Variants in NAT1 observed in about 807,000 individuals in gnomAD.
NAT1 encodes the protein N-acetyltransferase 1.
For synonymous variants in NAT1, 144 were observed against 122.6 expected, an observed-to-expected ratio of 1.17 and a Z score of -1.16; for missense variants, 400 against 339.2, an observed-to-expected ratio of 1.18 and a Z score of -1.41.
chr8:18,182,670 G>A lies in NAT1; in HGVS notation n.92+11931G>A, dbSNP rs117628880. Among the ~76,000 whole-genome samples the A allele has an allele frequency of 7.2e-4, 109 of 152,194 alleles. No individual in the cohort carries two copies. In the East Asian group the frequency reaches 0.013, roughly 18 times the overall value. On this transcript the variant is annotated intron_variant and non_coding_transcript_variant, in intron 2 of 4. Transcript: ENST00000517441. ...AGAACTAACTAAGTCATGTTTTCTAGCAGAGTAATTCTCCCCACATTGTTC... is the reference window on the plus strand; with the variant it reads ...AGAACTAACTAAGTCATGTTTTCTAACAGAGTAATTCTCCCCACATTGTTC...
intron 2 of NAT1, among the ~76,000 whole-genome samples, chr8:18,175,879 C>T (rs1282550658): frequency 1.3e-5 from 2 of 152,012 alleles, no homozygotes; most frequent in African/African-American, 2.4e-5. Context: ...ACTTATCATT[C>T]CTCTTTTGGA....
intron 2 of NAT1, among the ~76,000 whole-genome samples, chr8:18,200,569 A>G (rs952658948): frequency 1.3e-5 from 2 of 152,148 alleles, no homozygotes; most frequent in South Asian, 4.1e-4. Flanking sequence ...AGGATTGAAA[A>G]ACTACCTCTC....
In NAT1 at chr8:18,215,092, TG is replaced by T. The variant is rs548185383; in HGVS notation, c.-85-4316del. Among the ~76,000 whole-genome samples the T allele has an allele frequency of 7.5e-3, 1,142 of 152,326 alleles. 15 individuals are homozygous for T. Among genetic ancestry groups the T allele is most frequent in the African/African-American group, 0.024 (1,004 of 41,564 alleles). The stretch of plus-strand genomic sequence containing the variant: ...TTTTCTTTATCCAGTCTGTCACTGA[TG>T]GGCATTTAGGTTGATTCTGTGTCTT... On this transcript the variant is annotated intron_variant, in intron 1 of 2. Coordinates refer to ENST00000307719, the MANE Select transcript of NAT1 (RefSeq NM_000662.8).
At chr8:18,209,901 C>T (rs996272006), upstream of NAT1, 2 of 152,158 alleles carry the variant, frequency 1.3e-5, no homozygotes, top group African/African-American at 4.8e-5. Flanking sequence ...GCACAGTCCT[C>T]CCAGCCGGTG....
intron 2 of NAT1, among the ~76,000 whole-genome samples, chr8:18,170,909 C>A (rs767159850): frequency 6.7e-6 from 1 of 148,652 alleles, no homozygotes; most frequent in Non-Finnish European, 1.5e-5. Flanking sequence ...TTTTTTCTTT[C>A]TTTTTTCTCC....
chr8:18,182,517 C>T (rs1589057457), intron 2 of NAT1, among the ~76,000 whole-genome samples: 1 of 152,114 alleles, frequency 6.6e-6, no homozygotes, highest in Non-Finnish European at 1.5e-5. Context: ...TAGATTGCTT[C>T]GTTTTTAAAA....
In NAT1 at chr8:18,180,697, T is replaced by C. The variant is rs567708979; in HGVS notation, n.92+9958T>C. Among the ~76,000 whole-genome samples the C allele has an allele frequency of 2.0e-5, 3 of 152,298 alleles. No homozygotes were observed. The South Asian group carries it at 6.2e-4, about 32-fold the overall frequency. ...AAGAAATAATAAGTGCATGAGGTAATGGTAACACTAAATACCCTTATTTGG... is the reference window on the plus strand; with the variant it reads ...AAGAAATAATAAGTGCATGAGGTAACGGTAACACTAAATACCCTTATTTGG... On this transcript the variant is annotated intron_variant and non_coding_transcript_variant, in intron 2 of 4. Coordinates refer to the NAT1 transcript ENST00000517441.
rs1374012381 is a variant in NAT1, at chr8:18,222,246, T to C, written c.199T>C (p.Trp67Arg). 6.2e-7 allele frequency: 1 copy of C among 1,614,082 alleles called. No homozygotes were observed. The highest frequency in any genetic ancestry group is 1.6e-4 in the Middle Eastern group (1 of 6,062). Residue 67 changes from tryptophan to arginine, a missense_variant, in exon 3 of 3, where the codon TGG (tryptophan) becomes CGG (arginine). Coordinates refer to ENST00000307719, the MANE Select transcript of NAT1 (RefSeq NM_000662.8). ...DQVVRRNRGG[W>R]CLQVNHLLYW... is the part of the protein sequence containing the mutation. The stretch of plus-strand genomic sequence containing the variant: ...AGTTGTGAGAAGAAATCGGGGTGGA[T>C]GGTGTCTCCAGGTCAATCATCTTCT...
Position 18,202,550 on chromosome 8 carries a change from G to A in NAT1, n.93-7231G>A, listed in dbSNP as rs143483238. The stretch of plus-strand genomic sequence containing the variant: ...AGTTTGTTCCTCCAGATGTTCAGAT[G>A]TGGCCTCTGGAGTTTCTTCCTTCCA... On this transcript the variant is annotated intron_variant and non_coding_transcript_variant, in intron 2 of 4. Coordinates refer to the NAT1 transcript ENST00000517441. Among the ~76,000 whole-genome samples, 336 of 152,270 alleles carry A rather than the reference G, an allele frequency of 2.2e-3. 1 individual carries two copies. The highest frequency in any genetic ancestry group is 7.9e-3 in the African/African-American group (327 of 41,558).
chr8:18,190,209 G>A (rs1157557034), intron 2 of NAT1, among the ~76,000 whole-genome samples: 1 of 152,212 alleles, frequency 6.6e-6, no homozygotes, highest in African/African-American at 2.4e-5. Flanking sequence ...GATGCTAGAG[G>A]TAACTTGCCC....
Position 18,222,330 on chromosome 8 carries a change from A to T in NAT1, c.283A>T (p.Ser95Cys). 5 of 1,614,128 alleles carry T rather than the reference A, an allele frequency of 3.1e-6. No individual in the cohort carries two copies. Among genetic ancestry groups the T allele is most frequent in the Non-Finnish European group, 4.2e-6 (5 of 1,180,008 alleles). ...CACGATGTTGGGAGGGTATGTTTAC[A>T]GCACTCCAGCCAAAAAATACAGCAC... ...ETTMLGGYVY[S>C]TPAKKYSTGM... The change falls in exon 3 of 3, where the codon AGC becomes TGC. Residue 95 changes from serine (S) to cysteine (C), a missense_variant. Transcript: ENST00000307719.
At chr8:18,221,200 T>C (rs1805253222) in intron 2 of NAT1, among the ~76,000 whole-genome samples, 1 of 152,300 alleles carries the variant, frequency 6.6e-6, no homozygotes, top group South Asian at 2.1e-4. Context: ...GTTTCCAGCT[T>C]AAGGCCTTGT....
upstream of NAT1, among the ~76,000 whole-genome samples, chr8:18,207,263 T>C (rs759852075): frequency 1.3e-5 from 2 of 152,246 alleles, no homozygotes; most frequent in African/African-American, 2.4e-5. Context: ...CCACGCTGTT[T>C]TGGTTATTGT....
At chr8:18,216,235 A>C (rs1232722788) in intron 1 of NAT1, among the ~76,000 whole-genome samples, 1 of 152,124 alleles carries the variant, frequency 6.6e-6, no homozygotes, top group Non-Finnish European at 1.5e-5. Context: ...GATTTTTATA[A>C]TTGCCAAACG....
At chr8:18,199,596 G>C (rs1803380078) in intron 2 of NAT1, among the ~76,000 whole-genome samples, 1 of 152,120 alleles carries the variant, frequency 6.6e-6, no homozygotes, top group Non-Finnish European at 1.5e-5. Context: ...CTAAAGTTCT[G>C]CTCTCTCTTG....
At chr8:18,204,026 A>C (rs1265804645) in intron 2 of NAT1, among the ~76,000 whole-genome samples, 1 of 152,166 alleles carries the variant, frequency 6.6e-6, no homozygotes, top group Non-Finnish European at 1.5e-5. Flanking sequence ...TGGGGCAACC[A>C]GCCTTCCGCA....
At chr8:18,220,439 C>A (rs1260745724) in intron 2 of NAT1, among the ~76,000 whole-genome samples, 2 of 152,044 alleles carry the variant, frequency 1.3e-5, no homozygotes, top group African/African-American at 4.8e-5. Flanking sequence ...ATACCACATA[C>A]AAAAGAGTTA....
chr8:18,215,613 C>T (rs149506240), intron 1 of NAT1, among the ~76,000 whole-genome samples: 3 of 152,000 alleles, frequency 2.0e-5, no homozygotes, highest in Admixed American at 6.6e-5. Flanking sequence ...GCCCCAGATA[C>T]CTGTACAATT....
chr8:18,180,860 C>T (rs1403463725), intron 2 of NAT1, among the ~76,000 whole-genome samples: 1 of 152,098 alleles, frequency 6.6e-6, no homozygotes, highest in East Asian at 1.9e-4. Flanking sequence ...CTCCATTAGT[C>T]TGTGTGTCTG....
Sources: gnomAD v4.1 joint callset for allele counts (sites outside exome capture counted in the v4.1 genomes callset) on GRCh38, gnomAD v4.1.1 for gene constraint, MANE v1.5 for transcripts, NCBI Gene and HGNC (gene_info 2026-07-23, HGNC 2026-07-21) for gene names.